Variants in HERC5 observed in about 807,000 individuals in gnomAD.
HERC5 encodes the protein E3 ISG15--protein ligase HERC5.
In HERC5, 99 loss-of-function variants were observed where a neutral mutation model predicts 119.6. The ratio of observed to expected loss-of-function variants is 0.83; its 90% CI spans 0.70 to 0.98. The LOEUF is 0.98. Among genes scored for constraint, HERC5 ranks in the 50% least tolerant of loss-of-function variants. The probability of loss-of-function intolerance (pLI) is 0.00; values close to 1 mark genes in which losing one functional copy is unlikely to be tolerated. For synonymous variants in HERC5, 478 were observed against 445.9 expected, an observed-to-expected ratio of 1.07 and a Z score of -0.91; for missense variants, 1,267 against 1,241.3, an observed-to-expected ratio of 1.02 and a Z score of -0.31.
intron 14 of HERC5, 82 bp downstream of exon 14, chr4:88,486,310 A>G: frequency 1.3e-6 from 1 of 756,676 alleles, no homozygotes; most frequent in Non-Finnish European, 2.2e-6. Context: ...AAATTGCACA[A>G]TAGAAATAGC....
intron 18 of HERC5, among the ~76,000 whole-genome samples, chr4:88,495,637 AAC>A (rs1050159202): frequency 5.9e-5 from 9 of 151,992 alleles, no homozygotes; most frequent in African/African-American, 2.2e-4. Context: ...CAGAAACTAA[AAC>A]ACAGAAAGAT....
At chr4:88,464,015 T>C (rs1240807470) in intron 6 of HERC5, 30 bp downstream of exon 6, 2 of 1,591,162 alleles carry the variant, frequency 1.3e-6, no homozygotes, top group South Asian at 1.1e-5. Context: ...TAAGAATTGA[T>C]AAAATGAGTG....
intron 16 of HERC5, among the ~76,000 whole-genome samples, chr4:88,492,104 A>G (rs1741658220): frequency 6.6e-6 from 1 of 151,958 alleles, no homozygotes; most frequent in African/African-American, 2.4e-5. Context: ...CCCGGGTTCA[A>G]GTGAGTCTCC....
chr4:88,494,470 A>T, intron 18 of HERC5, 139 bp downstream of exon 18: 8 of 716,194 alleles, frequency 1.1e-5, no homozygotes, highest in Non-Finnish European at 1.6e-5. Flanking sequence ...TTTGACAAGA[A>T]TTGTTGGATG....
rs569559676 is a variant in HERC5 at position 88,459,613 on chromosome 4, C to T, written c.389+143C>T. 1.2e-4 allele frequency: 65 copies of T among 531,134 alleles called. No homozygotes were observed. The African/African-American group carries it at 1.3e-3, about 10-fold the overall frequency. 32.9% of individuals were successfully genotyped at this position (531,134 alleles called of 1,614,324 possible). On this transcript the variant is annotated intron_variant, in intron 2 of 22. Coordinates refer to ENST00000264350, the MANE Select transcript of HERC5 (RefSeq NM_016323.4). ...TAAATTCTGAACTGACCAGTAAAGT[C>T]CTTATGTCCCCCAGGGCAGGTATCA...
intron 18 of HERC5, among the ~76,000 whole-genome samples, chr4:88,495,201 A>G (rs898917926): frequency 6.6e-6 from 1 of 152,176 alleles, no homozygotes; most frequent in Non-Finnish European, 1.5e-5. Context: ...AGGGAATGAT[A>G]TATTTTTGGT....
intron 18 of HERC5, among the ~76,000 whole-genome samples, chr4:88,498,693 C>T (rs1412412349): frequency 6.6e-6 from 1 of 152,302 alleles, no homozygotes; most frequent in Non-Finnish European, 1.5e-5. Context: ...CCCTCAGCCT[C>T]CTGAGTAACT....
chr4:88,467,318 A>G, intron 7 of HERC5, 114 bp downstream of exon 7: 1 of 1,057,126 alleles, frequency 9.5e-7, no homozygotes, highest in Non-Finnish European at 1.4e-6. Context: ...GAGTTTCTCT[A>G]AATACTGGTT....
intron 16 of HERC5, among the ~76,000 whole-genome samples, chr4:88,491,208 C>T (rs1421291832): frequency 6.6e-6 from 1 of 152,020 alleles, no homozygotes; most frequent in Admixed American, 6.6e-5. Flanking sequence ...CACTATTTCA[C>T]CAAGAGGAAT....
intron 14 of HERC5, 28 bp from the exon 15 acceptor site, chr4:88,487,041 T>A (rs776436327): frequency 4.7e-6 from 7 of 1,479,796 alleles, no homozygotes; most frequent in Admixed American, 1.7e-5. Context: ...CTTTAACTTA[T>A]CAGAATTATT....
rs542280278 is a variant in HERC5, at chr4:88,465,025, C to T, written c.911+1040C>T. Among the ~76,000 whole-genome samples, 33 of 152,272 alleles carry T rather than the reference C, an allele frequency of 2.2e-4. No homozygotes were observed. The East Asian group carries it at 6.0e-3, about 28-fold the overall frequency. ...GACCTTGTGATCCACCTGCCTCGGC[C>T]TCCCAAAGTGCTGGGATTACAGGCA... On this transcript the variant is annotated intron_variant, in intron 6 of 22. Coordinates refer to ENST00000264350, the MANE Select transcript of HERC5 (RefSeq NM_016323.4).
chr4:88,469,445 A>G (rs192836213), intron 9 of HERC5, among the ~76,000 whole-genome samples, 185 bp downstream of exon 9: 4 of 152,240 alleles, frequency 2.6e-5, no homozygotes, highest in Admixed American at 6.5e-5. Context: ...CTATGTATCT[A>G]TGGAGGGGAG....
chr4:88,471,599 C>T (rs1306078237), intron 10 of HERC5, among the ~76,000 whole-genome samples: 1 of 152,108 alleles, frequency 6.6e-6, no homozygotes, highest in South Asian at 2.1e-4. Context: ...CCTCAGCCTC[C>T]TGGTGTTGGG....
intron 11 of HERC5, chr4:88,472,897 C>G (rs985711526): frequency 6.4e-6 from 1 of 156,690 alleles, no homozygotes; most frequent in Non-Finnish European, 1.4e-5. Context: ...ATGAATATCC[C>G]TCTCACCAGG....
chr4:88,468,783 A>T (rs1740764793), intron 8 of HERC5, among the ~76,000 whole-genome samples: 1 of 152,228 alleles, frequency 6.6e-6, no homozygotes. Flanking sequence ...CTTGCAAATA[A>T]AAAGTCCATA....
At chr4:88,477,848 CT>C (rs1055860773) in intron 12 of HERC5, among the ~76,000 whole-genome samples, 1 of 152,184 alleles carries the variant, frequency 6.6e-6, no homozygotes, top group Admixed American at 6.5e-5. Flanking sequence ...TGAAAAGCTA[CT>C]TTAAAATGGT....
chr4:88,496,959 C>G (rs760156831), intron 18 of HERC5, among the ~76,000 whole-genome samples: 4 of 152,072 alleles, frequency 2.6e-5, no homozygotes, highest in Non-Finnish European at 5.9e-5. Flanking sequence ...GGAGCCTGTT[C>G]GCCCCTTCCA....
In HERC5 at chr4:88,487,094, G is replaced by C; in HGVS notation, c.1877G>C (p.Cys626Ser). ...TVDASENVQC[C>S]VIFSHFPFIF... The stretch of plus-strand genomic sequence containing the variant: ...GACGCTTCAGAAAATGTACAATGCT[G>C]CGTCATATTCAGTCACTTTCCATTT... The change falls in exon 15 of 23, where the codon TGC (cysteine) becomes TCC (serine). Residue 626 changes from cysteine to serine, a missense_variant. By Grantham distance (112) the Cys-to-Ser change is moderately radical. This residue lies in a region of HERC5 where 17 missense variants were observed against 37.7 expected (regional missense o/e 0.45). Transcript: ENST00000264350. The C allele has an allele frequency of 6.2e-7, 1 of 1,611,250 alleles. No homozygotes were observed. The highest frequency in any genetic ancestry group is 2.2e-5 in the East Asian group (1 of 44,840).
Position 88,494,173 on chromosome 4 carries a change from TGAGAAGAAAAGATACTTC to T in HERC5, c.2287_2304del (p.Glu763_Phe768del). ...TTTTTTTCGCTTTTCAGCCTAAATT[TGAGAAGAAAAGATACTTC>T]TTTTTTGGGGTTCTATGTGGACTTT... On this transcript the variant is annotated inframe_deletion, in exon 18 of 23. Transcript: ENST00000264350. The T allele has an allele frequency of 6.2e-7, 1 of 1,603,300 alleles. No individual in the cohort carries two copies. The highest frequency in any genetic ancestry group is 8.5e-7 in the Non-Finnish European group (1 of 1,176,790).
Sources: gnomAD v4.1 joint callset for allele counts (sites outside exome capture counted in the v4.1 genomes callset) on GRCh38, gnomAD v4.1.1 for gene constraint, gnomAD v4.1.1 regional missense constraint, MANE v1.5 for transcripts, NCBI Gene and HGNC (gene_info 2026-07-23, HGNC 2026-07-21) for gene names.